Variants in NETO1 observed in about 807,000 individuals in gnomAD.
The protein encoded by NETO1 is neuropilin and tolloid-like protein 1.
Under a neutral mutation model 61.3 loss-of-function variants are expected in NETO1, and 26 were observed. The observed-to-expected ratio is 0.42, with a 90% CI of 0.31 to 0.59. NETO1 has a LOEUF of 0.59. NETO1 is among the 20% of genes least tolerant of loss of function. The pLI is 0.12. For missense variants in NETO1, 531 were observed against 662.8 expected, an observed-to-expected ratio of 0.80 and a Z score of 2.18; for synonymous variants, 225 against 225.8, an observed-to-expected ratio of 1.00 and a Z score of 0.03.
chr18:72,814,332 GAAGAGAATGT>G (rs1384403658), intron 4 of NETO1, among the ~76,000 whole-genome samples: 1 of 152,106 alleles, frequency 6.6e-6, no homozygotes, highest in African/African-American at 2.4e-5. Flanking sequence ...CAGATTTTGA[GAAGAGAATGT>G]ATATGTTGTA....
intron 6 of NETO1, 25 bp downstream of exon 6, chr18:72,794,092 G>T (rs779295229): frequency 6.2e-7 from 1 of 1,614,052 alleles, no homozygotes; most frequent in East Asian, 2.2e-5. Context: ...CAGCTGTCAA[G>T]TGTGGGTTTC....
intron 8 of NETO1, among the ~76,000 whole-genome samples, chr18:72,752,609 TAAAG>T (rs1400277689): frequency 6.6e-6 from 1 of 150,806 alleles, no homozygotes; most frequent in East Asian, 1.9e-4. Context: ...ATAATACATG[TAAAG>T]AAACAGTAAA....
chr18:72,855,584 C>G (rs778191668), intron 4 of NETO1, among the ~76,000 whole-genome samples: 47 of 152,304 alleles, frequency 3.1e-4, no homozygotes, highest in Non-Finnish European at 4.1e-4. Context: ...TTGGGCTGTT[C>G]CCACGTACAA....
intron 4 of NETO1, among the ~76,000 whole-genome samples, chr18:72,815,995 G>A (rs977904234): frequency 6.6e-6 from 1 of 152,042 alleles, no homozygotes; most frequent in Non-Finnish European, 1.5e-5. Context: ...TACAGATAGA[G>A]GTAAGGTACA....
At chr18:72,834,254 AATG>A (rs2073671379) in intron 4 of NETO1, 1 of 761,516 alleles carries the variant, frequency 1.3e-6, no homozygotes, top group Non-Finnish European at 1.6e-6. Context: ...CTATCCTTAA[AATG>A]ATAATATTGA....
chr18:72,750,656 A>T, intron 8 of NETO1, 36 bp from the exon 9 acceptor site: 1 of 1,483,762 alleles, frequency 6.7e-7, no homozygotes, highest in Non-Finnish European at 9.2e-7. Context: ...ACAAACGGAC[A>T]AAAGAAGAAG....
At chr18:72,772,825 C>CTCTATA (rs1568187563) in intron 7 of NETO1, among the ~76,000 whole-genome samples, 13 of 40,858 alleles carry the variant, frequency 3.2e-4, no homozygotes, top group African/African-American at 5.4e-4. Flanking sequence ...CTCTCTCTCT[C>CTCTATA]TATATATATA....
Position 72,753,699 on chromosome 18 carries a change from A to G in NETO1, c.982+2335T>C, listed in dbSNP as rs115389677. 9.3e-3 allele frequency among the ~76,000 whole-genome samples: 1,413 copies of G among 152,332 alleles called. 33 individuals are homozygous for G. Among genetic ancestry groups the G allele is most frequent in the African/African-American group, 0.032 (1,333 of 41,578 alleles). ...CAGTAGAGTGGCATCTTTCTTCTGC[A>G]GTCTTCACTTAACTCTTTTAAAAAA... On this transcript the variant is annotated intron_variant, in intron 8 of 10. Transcript: ENST00000327305.
At chr18:72,828,583 T>C (rs1431677193) in intron 4 of NETO1, among the ~76,000 whole-genome samples, 1 of 152,236 alleles carries the variant, frequency 6.6e-6, no homozygotes, top group Non-Finnish European at 1.5e-5. Flanking sequence ...AAATAGTAGC[T>C]ACATTTTTTG....
chr18:72,806,430 C>G (rs1300937340), intron 4 of NETO1, among the ~76,000 whole-genome samples: 1 of 152,140 alleles, frequency 6.6e-6, no homozygotes, highest in Non-Finnish European at 1.5e-5. Context: ...ATCTAATTCT[C>G]CACCTACCGT....
chr18:72,781,109 T>G (rs916635263), intron 7 of NETO1, among the ~76,000 whole-genome samples: 4 of 152,190 alleles, frequency 2.6e-5, no homozygotes, highest in Non-Finnish European at 5.9e-5. Context: ...ATTTTTGAAA[T>G]ATAATGCTTT....
chr18:72,815,547 C>T (rs950093959), intron 4 of NETO1, among the ~76,000 whole-genome samples: 3 of 152,088 alleles, frequency 2.0e-5, no homozygotes, highest in Non-Finnish European at 4.4e-5. Context: ...ACGTTTAATA[C>T]AAGTCATTTA....
chr18:72,750,196 G>A lies in NETO1; in HGVS notation c.1407C>T (p.Pro469=). 1 of 1,614,064 alleles carries A rather than the reference G, an allele frequency of 6.2e-7. No homozygotes were observed. Among genetic ancestry groups the A allele is most frequent in the East Asian group, 2.2e-5 (1 of 44,876 alleles). Residue 469 remains proline (P), a synonymous_variant, in exon 9 of 11, where the codon CCC becomes CCT. Coordinates refer to ENST00000327305, the MANE Select transcript of NETO1 (RefSeq NM_138966.5). ...TGACAAGGATATTTCTTCTGTTCAT[G>A]GGTGGGATGAGGGGTTTTCCTGGCT... ...PTQPGKPLIP[P]MNRRNILVMK...
chr18:72,783,881 T>A lies in NETO1; in HGVS notation c.665A>T (p.Glu222Val), dbSNP rs1432865993. The A allele has an allele frequency of 6.2e-7, 1 of 1,613,284 alleles. No homozygotes were observed. Among genetic ancestry groups the A allele is most frequent in the African/African-American group, 1.3e-5 (1 of 74,928 alleles). The change falls in exon 7 of 11, where the codon GAG becomes GTG. Residue 222 changes from glutamate (E) to valine (V), a missense_variant. Glu to Val is a moderately radical substitution (Grantham distance 121). Coordinates refer to ENST00000327305, the MANE Select transcript of NETO1 (RefSeq NM_138966.5). ...SKIYLRFLDY[E>V]MQNSNECKRN... ...CTTGCACTCATTTGAATTCTGCATC[T>A]CATAGTCCAAGAATCGTAAGTAAAT...
At chr18:72,796,801 A>G (rs965016396) in intron 4 of NETO1, among the ~76,000 whole-genome samples, 1 of 151,202 alleles carries the variant, frequency 6.6e-6, no homozygotes, top group Non-Finnish European at 1.5e-5. Context: ...GAAAAAAAGG[A>G]AAAAAAAACT....
chr18:72,759,646 C>T (rs928614412), intron 7 of NETO1, among the ~76,000 whole-genome samples: 4 of 152,180 alleles, frequency 2.6e-5, no homozygotes, highest in African/African-American at 4.8e-5. Context: ...CGGTCTCCAA[C>T]GCAGCATGTA....
chr18:72,804,965 A>G (rs2072627274), intron 4 of NETO1, among the ~76,000 whole-genome samples: 2 of 152,330 alleles, frequency 1.3e-5, no homozygotes, highest in East Asian at 1.9e-4. Flanking sequence ...TTACCTAACA[A>G]TCTCTATTAT....
In NETO1 at chr18:72,830,297, C is replaced by T. The variant is rs1402922733; in HGVS notation, c.469+28529G>A. Among the ~76,000 whole-genome samples, 1 of 152,088 alleles carries T rather than the reference C, an allele frequency of 6.6e-6. No homozygotes were observed. The highest frequency in any genetic ancestry group is 1.9e-4 in the East Asian group (1 of 5,178). On this transcript the variant is annotated intron_variant, in intron 4 of 10. Transcript: ENST00000327305. This position sits in a 1 kb window ranked among gnomAD's most constrained non-coding sequence, Gnocchi z 4.9. ...ATGGTGCTAACAAAATTGGCAAAGGCTGTTGAGGCTGCAGCCACACACTCA... is the reference window on the plus strand; with the variant it reads ...ATGGTGCTAACAAAATTGGCAAAGGTTGTTGAGGCTGCAGCCACACACTCA...
At chr18:72,831,084 G>T (rs1055331478) in intron 4 of NETO1, among the ~76,000 whole-genome samples, 1 of 152,092 alleles carries the variant, frequency 6.6e-6, no homozygotes, top group Admixed American at 6.5e-5. Context: ...AGCCATTTCA[G>T]TATTTATTTC....
Sources: allele counts gnomAD v4.1 joint callset (sites outside exome capture counted in the v4.1 genomes callset), GRCh38; gene constraint gnomAD v4.1.1; non-coding constraint Gnocchi (gnomAD v3.1); transcripts MANE v1.5; gene names NCBI Gene and HGNC (gene_info 2026-07-23, HGNC 2026-07-21).